The following PAX5 variants were observed in gnomAD, a reference collection of about 807,000 sequenced individuals.
PAX5 encodes the protein paired box protein Pax-5.
PAX5 carries 9 observed loss-of-function variants against 43.7 expected under a neutral mutation model. The ratio of observed to expected loss-of-function variants is 0.21; its 90% confidence interval spans 0.12 to 0.36. The LOEUF (loss-of-function observed/expected upper bound fraction) is 0.36, where lower values mean the gene tolerates loss of function less well. Among genes scored for constraint, PAX5 ranks in the 10% least tolerant of loss-of-function variants. PAX5 has a pLI of 1.00. For synonymous variants in PAX5, 228 were observed against 214.3 expected, an observed-to-expected ratio of 1.06 and a Z score of -0.56; for missense variants, 383 against 532.7, an observed-to-expected ratio of 0.72 and a Z score of 2.77.
intron 6 of PAX5, among the ~76,000 whole-genome samples, chr9:36,929,811 C>G (rs1830975801): frequency 1.3e-5 from 2 of 152,298 alleles, no homozygotes; most frequent in Non-Finnish European, 2.9e-5. Flanking sequence ...ACTGCAACCT[C>G]CACCTCCCTG....
In PAX5 at chr9:36,881,597, G is replaced by A. The variant is rs79824785; in HGVS notation, c.1012+407C>T. ...CTCAACCCCAAGGAGTGAGGCCACC[G>A]CGAGCACCTCAGCGCCTTCTGCTTG... On this transcript the variant is annotated intron_variant, in intron 8 of 9. Transcript: ENST00000358127. Among the ~76,000 whole-genome samples, 52 of 151,862 alleles carry A rather than the reference G, an allele frequency of 3.4e-4. 1 individual carries two copies. The East Asian group carries it at 9.2e-3, about 27-fold the overall frequency.
chr9:36,932,442 T>C (rs1329849473), intron 6 of PAX5, among the ~76,000 whole-genome samples: 24 of 152,214 alleles, frequency 1.6e-4, no homozygotes, highest in Non-Finnish European at 1.5e-5. Context: ...TGTTACAACA[T>C]GGATGAATCT....
chr9:37,027,756 C>T (rs1310974712), intron 1 of PAX5, among the ~76,000 whole-genome samples: 1 of 152,212 alleles, frequency 6.6e-6, no homozygotes, highest in African/African-American at 2.4e-5. Context: ...CGGGGGCTAA[C>T]CTGCCAATCA....
intron 8 of PAX5, among the ~76,000 whole-genome samples, chr9:36,850,329 G>A (rs547923255): frequency 6.6e-6 from 1 of 152,240 alleles, no homozygotes; most frequent in South Asian, 2.1e-4. Flanking sequence ...CCCTCCAGGT[G>A]GCTGTGGCCA....
intron 3 of PAX5, among the ~76,000 whole-genome samples, chr9:37,010,119 A>G (rs12682901): frequency 0.058 from 8,903 of 152,248 alleles, 679 homozygotes; most frequent in East Asian, 0.19. Context: ...AACAAATTTT[A>G]AATTTTAAAT....
At chr9:36,856,545 C>CT (rs796241307) in intron 8 of PAX5, 4,025 of 146,868 alleles carry the variant, frequency 0.027, 177 homozygotes, top group African/African-American at 0.09. Context: ...CTTTTTTCCT[C>CT]TTTTTTTTTT....
chr9:36,849,797 C>T (rs562951614), intron 8 of PAX5, among the ~76,000 whole-genome samples: 3 of 152,320 alleles, frequency 2.0e-5, no homozygotes, highest in East Asian at 1.9e-4. Flanking sequence ...GGGGCCCCTG[C>T]CCTATGAGAG....
chr9:37,015,908 C>A lies in PAX5; in HGVS notation c.213-714G>T, dbSNP rs1444178669. ...CTCTCATTGTATTTCTATTGGACAG[C>A]ACTGGCTAAGCATTAACAAAATTCT... On this transcript the variant is annotated intron_variant, in intron 2 of 9. Transcript: ENST00000358127. The surrounding 1 kb of genome is among the most constrained non-coding windows in gnomAD (Gnocchi z 4.4). Among the ~76,000 whole-genome samples the A allele has an allele frequency of 6.6e-6, 1 of 152,234 alleles. No homozygotes were observed. Among genetic ancestry groups the A allele is most frequent in the African/African-American group, 2.4e-5 (1 of 41,464 alleles).
rs973881473 is a variant in PAX5, at chr9:36,865,036, C to T, written c.1012+16968G>A. 1.2e-4 allele frequency among the ~76,000 whole-genome samples: 18 copies of T among 152,216 alleles called. 1 individual carries two copies. In the South Asian group the frequency reaches 3.3e-3, roughly 28 times the overall value. On this transcript the variant is annotated intron_variant, in intron 8 of 9. Transcript: ENST00000358127. ...GAACAATGCTTGACTGATCTAGCTG[C>T]GTTAACGAGCAAATTATGGTAATTT...
At chr9:36,944,303 C>T (rs1832321182) in intron 6 of PAX5, among the ~76,000 whole-genome samples, 1 of 152,190 alleles carries the variant, frequency 6.6e-6, no homozygotes, top group Admixed American at 6.5e-5. Context: ...TCTAACAGCC[C>T]TATAAGGCAA....
rs543719744 is a variant in PAX5, at chr9:36,997,230, G to T, written c.604+5418C>A. Among the ~76,000 whole-genome samples, 13 of 152,252 alleles carry T rather than the reference G, an allele frequency of 8.5e-5. No homozygotes were observed. In the South Asian group the frequency reaches 1.7e-3, roughly 19 times the overall value. On this transcript the variant is annotated intron_variant, in intron 5 of 9. Transcript: ENST00000358127. ...CTTCCTGTGCCCTCCTTAGAAGGTAGTCCAGAGCCCAGAAGGCTGGAAACT... is the reference window on the plus strand; with the variant it reads ...CTTCCTGTGCCCTCCTTAGAAGGTATTCCAGAGCCCAGAAGGCTGGAAACT...
At chr9:36,857,759 C>T (rs180823741) in intron 8 of PAX5, among the ~76,000 whole-genome samples, 87 of 152,346 alleles carry the variant, frequency 5.7e-4, no homozygotes, top group African/African-American at 1.9e-3. Context: ...GTAAGCAGGA[C>T]GCACACGGTG....
rs534341057 is a variant in PAX5, at chr9:36,985,240, A to T, written c.604+17408T>A. On this transcript the variant is annotated intron_variant, in intron 5 of 9. Coordinates refer to ENST00000358127, the MANE Select transcript of PAX5 (RefSeq NM_016734.3). The stretch of plus-strand genomic sequence containing the variant: ...AGGGAAAAGCCCTCAGCAAGCACTT[A>T]TTACACCTTTGCCAACTCTGAGCAC... 2.1e-4 allele frequency among the ~76,000 whole-genome samples: 32 copies of T among 152,304 alleles called. 1 individual carries two copies. In the South Asian group the frequency reaches 6.4e-3, roughly 31 times the overall value.
At chr9:36,951,145 G>A (rs1286167418) in intron 6 of PAX5, among the ~76,000 whole-genome samples, 1 of 152,194 alleles carries the variant, frequency 6.6e-6, no homozygotes, top group African/African-American at 2.4e-5. Context: ...TAGGGGGCAG[G>A]ATAAATGGGC....
intron 2 of PAX5, among the ~76,000 whole-genome samples, chr9:37,018,080 C>T (rs115278704): frequency 0.016 from 2,499 of 152,272 alleles, 67 homozygotes; most frequent in African/African-American, 0.057. Flanking sequence ...CTTAGCCTCT[C>T]TAGGCCTCAA....
intron 1 of PAX5, among the ~76,000 whole-genome samples, chr9:37,032,994 A>G (rs1841136763): frequency 6.6e-6 from 1 of 152,200 alleles, no homozygotes; most frequent in Admixed American, 6.5e-5. Flanking sequence ...ACCTGAGGAC[A>G]CAGTGTGTGT....
At chr9:36,971,752 G>A (rs529119129) in intron 5 of PAX5, among the ~76,000 whole-genome samples, 5 of 152,296 alleles carry the variant, frequency 3.3e-5, no homozygotes, top group East Asian at 1.9e-4. Context: ...GCCCCGTCTC[G>A]GGGAGCAAAG....
At chr9:36,896,194 A>G (rs1311858777) in intron 7 of PAX5, among the ~76,000 whole-genome samples, 1 of 152,100 alleles carries the variant, frequency 6.6e-6, no homozygotes, top group African/African-American at 2.4e-5. Flanking sequence ...GTAAGTATCC[A>G]AGCCTCTGAT....
At chr9:37,033,390 G>A (rs1474161491) in intron 1 of PAX5, among the ~76,000 whole-genome samples, 1 of 152,208 alleles carries the variant, frequency 6.6e-6, no homozygotes, top group East Asian at 1.9e-4. Flanking sequence ...TCCAAAAATG[G>A]AAAGGTCAGT....
Sources: allele counts gnomAD v4.1 joint callset (sites outside exome capture counted in the v4.1 genomes callset), GRCh38; gene constraint gnomAD v4.1.1; non-coding constraint Gnocchi (gnomAD v3.1); transcripts MANE v1.5; gene names NCBI Gene and HGNC (gene_info 2026-07-23, HGNC 2026-07-21).